The following SGMS2 variants were observed in gnomAD, a reference collection of about 807,000 sequenced individuals.
SGMS2 encodes the protein phosphatidylcholine:ceramide cholinephosphotransferase 2.
Under a neutral mutation model 43.8 loss-of-function variants are expected in SGMS2, and 21 were observed. The ratio of observed to expected loss-of-function variants is 0.48; its 90% confidence interval spans 0.34 to 0.69. SGMS2 has a LOEUF of 0.69. Ranked by LOEUF, SGMS2 falls within the 30% of genes least tolerant of loss-of-function variation. The probability of loss-of-function intolerance (pLI) is 0.01; values close to 1 mark genes in which losing one functional copy is unlikely to be tolerated. For synonymous variants in SGMS2, 167 were observed against 160.6 expected, an observed-to-expected ratio of 1.04 and a Z score of -0.30; for missense variants, 384 against 443.2, an observed-to-expected ratio of 0.87 and a Z score of 1.20.
At chr4:107,872,676 A>G (rs1426210860) in intron 2 of SGMS2, among the ~76,000 whole-genome samples, 4 of 152,126 alleles carry the variant, frequency 2.6e-5, no homozygotes, top group Non-Finnish European at 5.9e-5. Context: ...TCTCTTAAAA[A>G]AAACAATAAG....
intron 2 of SGMS2, among the ~76,000 whole-genome samples, chr4:107,883,992 C>T (rs1729556755): frequency 1.3e-5 from 2 of 152,168 alleles, no homozygotes; most frequent in Admixed American, 1.3e-4. Context: ...TTGTTAGATT[C>T]TAGTCTTGCC....
At chr4:107,907,954 TA>T (rs373345668) in intron 5 of SGMS2, 26 of 152,436 alleles carry the variant, frequency 1.7e-4, no homozygotes, top group African/African-American at 6.3e-4. Flanking sequence ...GCTGAGTCCA[TA>T]AGTGAATGGT....
Position 107,895,918 on chromosome 4 carries a change from A to G in SGMS2, c.365A>G (p.Asp122Gly). The G allele has an allele frequency of 6.2e-7, 1 of 1,613,954 alleles. No individual in the cohort carries two copies. The highest frequency in any genetic ancestry group is 8.5e-7 in the Non-Finnish European group (1 of 1,179,934). The change falls in exon 3 of 7, where the codon GAT becomes GGT. Residue 122 changes from aspartate (D) to glycine (G), a missense_variant. Physicochemically the swap from Asp to Gly is moderately conservative, Grantham distance 94. Transcript: ENST00000690982. ...CCAGACAAGTTTTTTGATTACATTG[A>G]TAGGGTGAAATGGGCATTTTCTGTA... is the stretch of plus-strand genomic sequence containing the variant. ...PLPDKFFDYI[D>G]RVKWAFSVSE...
chr4:107,879,495 T>A (rs1578593826), intron 2 of SGMS2, among the ~76,000 whole-genome samples: 2 of 150,886 alleles, frequency 1.3e-5, no homozygotes, highest in South Asian at 2.1e-4. Flanking sequence ...CGAGTCTCAC[T>A]CTGTTGCCCA....
At chr4:107,905,596 GA>G (rs1731490837) in intron 5 of SGMS2, among the ~76,000 whole-genome samples, 1 of 152,180 alleles carries the variant, frequency 6.6e-6, no homozygotes, top group African/African-American at 2.4e-5. Flanking sequence ...CTTAAGCTTA[GA>G]GAAAGTGACT....
At chr4:107,829,933 G>T (rs1725794945) in intron 1 of SGMS2, among the ~76,000 whole-genome samples, 1 of 151,942 alleles carries the variant, frequency 6.6e-6, no homozygotes, top group Admixed American at 6.6e-5. Flanking sequence ...TTGTTACATG[G>T]GTAAATTATG....
chr4:107,893,209 G>A (rs1730381205), intron 2 of SGMS2: 1 of 152,100 alleles, frequency 6.6e-6, no homozygotes, highest in Non-Finnish European at 1.5e-5. Context: ...ATTTTCTTCT[G>A]TTCCACATTC....
At chr4:107,901,510 T>C (rs1560672075) in intron 4 of SGMS2, among the ~76,000 whole-genome samples, 1 of 152,216 alleles carries the variant, frequency 6.6e-6, no homozygotes, top group Non-Finnish European at 1.5e-5. Flanking sequence ...AAGTGTCATA[T>C]CTGTTATAGT....
chr4:107,907,639 C>T (rs1731696980), intron 5 of SGMS2, among the ~76,000 whole-genome samples: 1 of 152,088 alleles, frequency 6.6e-6, no homozygotes, highest in Non-Finnish European at 1.5e-5. Context: ...ATATAAAGTT[C>T]TGGAAATGGA....
At position 107,912,188 on chromosome 4, in the gene SGMS2, T is replaced by C. The variant is rs566546531; in HGVS notation, c.*1635T>C. ...AACATCCTTTGGTGCTAAAATCTTG[T>C]GTATGTTTTCAGAATGGCTTTTTCT... On this transcript the variant is annotated 3_prime_UTR_variant, in exon 7 of 7. Transcript: ENST00000690982. The C allele has an allele frequency of 1.3e-5, 2 of 152,318 alleles. No individual in the cohort carries two copies. Among genetic ancestry groups the C allele is most frequent in the African/African-American group, 2.4e-5 (1 of 41,582 alleles). 9.4% of individuals were successfully genotyped at this position (152,318 alleles called of 1,614,324 possible).
chr4:107,877,913 CTTTTTTTT>C (rs774442653), intron 2 of SGMS2, among the ~76,000 whole-genome samples: 13 of 102,176 alleles, frequency 1.3e-4, no homozygotes, highest in Non-Finnish European at 2.5e-4. Context: ...TTTTTCTTTT[CTTTTTTTT>C]TTTTTTTTTT....
Position 107,914,063 on chromosome 4 carries a change from C to T in SGMS2, c.*3510C>T, listed in dbSNP as rs1420692464. 2 of 151,948 alleles carry T rather than the reference C, an allele frequency of 1.3e-5. No homozygotes were observed. The highest frequency in any genetic ancestry group is 1.3e-4 in the Admixed American group (2 of 15,234). 9.4% of individuals were successfully genotyped at this position (151,948 alleles called of 1,614,324 possible). On this transcript the variant is annotated 3_prime_UTR_variant, in exon 7 of 7. Coordinates refer to ENST00000690982, the MANE Select transcript of SGMS2 (RefSeq NM_001375905.1). ...TAAGTTATATGCCATGTGTTGAAGG[C>T]TTTTCTATTTATATATATAAAGATT...
intron 2 of SGMS2, among the ~76,000 whole-genome samples, chr4:107,864,703 A>AG (rs1406035260): frequency 2.0e-5 from 3 of 152,242 alleles, no homozygotes; most frequent in Non-Finnish European, 4.4e-5. Flanking sequence ...TAGTGTCTTA[A>AG]GGTTAACTTT....
chr4:107,829,611 G>C (rs529396035), intron 1 of SGMS2, among the ~76,000 whole-genome samples: 1 of 152,270 alleles, frequency 6.6e-6, no homozygotes, highest in South Asian at 2.1e-4. Context: ...ATAATTTTGT[G>C]TTTGTGTTTA....
chr4:107,909,311 A>G (rs1024467437), intron 6 of SGMS2, among the ~76,000 whole-genome samples: 1 of 152,078 alleles, frequency 6.6e-6, no homozygotes. Flanking sequence ...GGGTTTCACC[A>G]TGTTGGCCAG....
intron 2 of SGMS2, among the ~76,000 whole-genome samples, chr4:107,872,990 A>G (rs1728657205): frequency 6.6e-6 from 1 of 152,202 alleles, no homozygotes; most frequent in African/African-American, 2.4e-5. Context: ...AGCATTTCTA[A>G]AGCTCATCAT....
chr4:107,903,407 AC>A, intron 5 of SGMS2, 21 bp downstream of exon 5: 1 of 1,612,588 alleles, frequency 6.2e-7, no homozygotes, highest in Non-Finnish European at 8.5e-7. Flanking sequence ...GCCCATTCCC[AC>A]TGAACTGATA....
At chr4:107,889,283 A>G (rs745372558) in intron 2 of SGMS2, among the ~76,000 whole-genome samples, 3 of 152,202 alleles carry the variant, frequency 2.0e-5, no homozygotes, top group Non-Finnish European at 2.9e-5. Flanking sequence ...GGCTAGGTTC[A>G]TAGTTTTATA....
intron 2 of SGMS2, among the ~76,000 whole-genome samples, chr4:107,861,794 A>G (rs1049524290): frequency 1.3e-5 from 2 of 152,236 alleles, no homozygotes; most frequent in African/African-American, 4.8e-5. Flanking sequence ...ATTCATATCT[A>G]TTTGATTTTT....
Sources: gnomAD v4.1 joint callset for allele counts (sites outside exome capture counted in the v4.1 genomes callset) on GRCh38, gnomAD v4.1.1 for gene constraint, MANE v1.5 for transcripts, NCBI Gene and HGNC (gene_info 2026-07-23, HGNC 2026-07-21) for gene names.